FCRL3: variants seen among roughly 807,000 people sequenced by gnomAD.
The protein encoded by FCRL3 is Fc receptor-like protein 3.
In FCRL3, 89 loss-of-function variants were observed where a neutral mutation model predicts 75.0. That is an observed-to-expected ratio of 1.19 (90% confidence interval 1.00 to 1.42). The LOEUF is 1.42. FCRL3 is among the 40% of genes most tolerant of loss of function. The pLI, the probability that FCRL3 is intolerant of heterozygous loss-of-function variation, is 0.00. For synonymous variants in FCRL3, 376 were observed against 348.5 expected (o/e 1.08, Z -0.88); for missense variants, 946 against 880.0 (o/e 1.07, Z -0.95).
Position 157,700,570 on chromosome 1 carries a change from G to A in FCRL3, c.-81C>T. The stretch of plus-strand genomic sequence containing the variant: ...TCTCCAAGAAGGAGGGCAGGAAGCT[G>A]CTACTCAGATGAGACCTGCAAGAAT... On this transcript the variant is annotated 5_prime_UTR_variant, in exon 2 of 15. Transcript: ENST00000368184. 6 of 1,611,198 alleles carry A rather than the reference G, an allele frequency of 3.7e-6. No individual in the cohort carries two copies. The highest frequency in any genetic ancestry group is 5.1e-6 in the Non-Finnish European group (6 of 1,178,710).
At chr1:157,690,847 T>C (rs1655483516) in intron 8 of FCRL3, among the ~76,000 whole-genome samples, 1 of 152,176 alleles carries the variant, frequency 6.6e-6, no homozygotes, top group Admixed American at 6.5e-5. Flanking sequence ...GATAAAAATA[T>C]AGCTAAAATC....
At chr1:157,692,920 A>G (rs1031913291) in intron 8 of FCRL3, among the ~76,000 whole-genome samples, 1 of 152,158 alleles carries the variant, frequency 6.6e-6, no homozygotes, top group Non-Finnish European at 1.5e-5. Context: ...TTATATCTGC[A>G]CCTTTAAAAA....
At chr1:157,686,942 CTTAA>C (rs1655213508) in intron 10 of FCRL3, among the ~76,000 whole-genome samples, 1 of 151,928 alleles carries the variant, frequency 6.6e-6, no homozygotes, top group Admixed American at 6.6e-5. Flanking sequence ...ACAAGTGTGA[CTTAA>C]TTAAACTAAA....
intron 8 of FCRL3, among the ~76,000 whole-genome samples, chr1:157,693,114 A>G (rs1280827546): frequency 1.3e-5 from 2 of 151,956 alleles, no homozygotes; most frequent in Non-Finnish European, 2.9e-5. Flanking sequence ...CGTCTCTACT[A>G]AAAATACAAA....
At position 157,677,547 on chromosome 1, in the gene FCRL3, C is replaced by A; in HGVS notation, c.*1163G>T. ...TCACTGAAAATTGTTGGTACATTTT[C>A]ATTTTTGTCATATTAAAAATTCAAC... On this transcript the variant is annotated 3_prime_UTR_variant, in exon 15 of 15. Transcript: ENST00000368184. 1.0e-6 allele frequency: 1 copy of A among 985,334 alleles called. No individual in the cohort carries two copies. Among genetic ancestry groups the A allele is most frequent in the Non-Finnish European group, 1.2e-6 (1 of 829,886 alleles). 61.0% of individuals were successfully genotyped at this position (985,334 alleles called of 1,614,324 possible).
rs148716808 is a variant in FCRL3 at position 157,681,019 on chromosome 1, G to A, written c.1919C>T (p.Pro640Leu). 3.0e-5 allele frequency: 48 copies of A among 1,605,588 alleles called. No individual in the cohort carries two copies. The highest frequency in any genetic ancestry group is 4.1e-5 in the Non-Finnish European group (48 of 1,176,964). The change falls in exon 12 of 15, where the codon CCA (proline) becomes CTA (leucine). Residue 640 changes from proline to leucine, a missense_variant. Physicochemically the swap from Pro to Leu is moderately conservative, Grantham distance 98. Coordinates refer to ENST00000368184, the MANE Select transcript of FCRL3 (RefSeq NM_052939.4). Reference protein sequence around the residue: ...IDPQEPTHSKPLAPMELEPMY... With the variant: ...IDPQEPTHSKLLAPMELEPMY... ...TGGCTCCAGCTCCATTGGGGCTAGT[G>A]GTTTAGAGTGAGTGGGCTCTTGAGG...
chr1:157,679,928 A>C (rs1398076430), intron 13 of FCRL3, among the ~76,000 whole-genome samples: 1 of 151,954 alleles, frequency 6.6e-6, no homozygotes, highest in Non-Finnish European at 1.5e-5. Flanking sequence ...ACATAGAAAT[A>C]AATGCAACAA....
At chr1:157,698,244 A>G (rs1023706595) in intron 4 of FCRL3, 140 bp downstream of exon 4, 7 of 1,033,526 alleles carry the variant, frequency 6.8e-6, no homozygotes, top group African/African-American at 4.8e-5. Flanking sequence ...CTGCTGCCCT[A>G]TCTCTTTATT....
At chr1:157,688,049 A>G (rs1452300750) in intron 10 of FCRL3, among the ~76,000 whole-genome samples, 1 of 152,126 alleles carries the variant, frequency 6.6e-6, no homozygotes, top group African/African-American at 2.4e-5. Context: ...AATAGATGTG[A>G]CAAATAGAAA....
intron 8 of FCRL3, among the ~76,000 whole-genome samples, chr1:157,692,420 A>T (rs570331960): frequency 6.6e-6 from 1 of 152,080 alleles, no homozygotes; most frequent in East Asian, 1.9e-4. Context: ...TTGTATTTTT[A>T]GTAAAGACAG....
At chr1:157,683,332 T>C in intron 10 of FCRL3, 88 bp from the exon 11 acceptor site, 2 of 1,499,328 alleles carry the variant, frequency 1.3e-6, no homozygotes, top group African/African-American at 1.4e-5. Context: ...AGAAATCAGA[T>C]TCATTCTAGA....
In FCRL3 at chr1:157,677,940, C is replaced by T. The variant is rs187186908; in HGVS notation, c.*770G>A. The T allele has an allele frequency of 2.4e-4, 240 of 984,196 alleles. No individual in the cohort carries two copies. The African/African-American group carries it at 3.3e-3, about 13-fold the overall frequency. The allele number at this position is 984,196 out of a possible 1,614,324, so 61.0% of individuals were successfully genotyped here. A position where few individuals can be genotyped will look rare whatever the true frequency, so the allele number is the denominator to read the frequency against. On this transcript the variant is annotated 3_prime_UTR_variant, in exon 15 of 15. Transcript: ENST00000368184. Reference sequence around the variant, plus strand: ...ACATAGATATAGTAGGTTATTGTCTCGGGGTTAATGGGTGCTTATAAGAAT... The same window carrying T: ...ACATAGATATAGTAGGTTATTGTCTTGGGGTTAATGGGTGCTTATAAGAAT...
At chr1:157,699,502 G>GAA (rs74599050) in intron 3 of FCRL3, among the ~76,000 whole-genome samples, 190 bp downstream of exon 3, 8 of 131,704 alleles carry the variant, frequency 6.1e-5, no homozygotes, top group Admixed American at 7.6e-5. Flanking sequence ...AATGTAGGGA[G>GAA]AAAAAAAAAA....
At position 157,696,082 on chromosome 1, in the gene FCRL3, G is replaced by A. The variant is rs1655881472; in HGVS notation, c.1090C>T (p.His364Tyr). ...ATCCACGTGCTGAGGATGGGGCTGTGAACGTTATCAGCTGCACAGTAGTAT... is the reference window on the plus strand; with the variant it reads ...ATCCACGTGCTGAGGATGGGGCTGTAAACGTTATCAGCTGCACAGTAGTAT... ...GRYYCAADNV[H>Y]SPILSTWIRV... Residue 364 changes from histidine (H) to tyrosine (Y), a missense_variant, in exon 7 of 15, where the codon CAC becomes TAC. Physicochemically the swap from His to Tyr is moderately conservative, Grantham distance 83 (BLOSUM62 2). Coordinates refer to ENST00000368184, the MANE Select transcript of FCRL3 (RefSeq NM_052939.4). The A allele has an allele frequency of 1.9e-6, 3 of 1,613,298 alleles. No individual in the cohort carries two copies. The highest frequency in any genetic ancestry group is 2.5e-6 in the Non-Finnish European group (3 of 1,179,946).
At chr1:157,691,880 T>G (rs1655566601) in intron 8 of FCRL3, 2 of 152,210 alleles carry the variant, frequency 1.3e-5, no homozygotes, top group Admixed American at 1.3e-4. Context: ...TATTGTCAAC[T>G]TAAGTGGTCT....
chr1:157,678,126 T>A lies in FCRL3; in HGVS notation c.*584A>T. The A allele has an allele frequency of 1.0e-6, 1 of 986,030 alleles. No individual in the cohort carries two copies. The allele number at this position is 986,030 out of a possible 1,614,324, so 61.1% of individuals were successfully genotyped here. A position where few individuals can be genotyped will look rare whatever the true frequency, so the allele number is the denominator to read the frequency against. ...AGTCTTTAATGAAATGCTGAAGTTA[T>A]TTTTCATCATAACTAGGGTAATTTG... On this transcript the variant is annotated 3_prime_UTR_variant, in exon 15 of 15. Coordinates refer to ENST00000368184, the MANE Select transcript of FCRL3 (RefSeq NM_052939.4).
At position 157,678,939 on chromosome 1, in the gene FCRL3, C is replaced by G; in HGVS notation, c.2058+3G>C. 6.2e-7 allele frequency: 1 copy of G among 1,614,118 alleles called. No individual in the cohort carries two copies. The highest frequency in any genetic ancestry group is 8.5e-7 in the Non-Finnish European group (1 of 1,180,008). ...GGAAAGAAAGCCAAGAAATGTGACT[C>G]ACCTCATGCTCTTGATGCATCATTG... On this transcript the variant is annotated splice_donor_region_variant and intron_variant, in intron 14 of 14. Coordinates refer to ENST00000368184, the MANE Select transcript of FCRL3 (RefSeq NM_052939.4).
Position 157,686,882 on chromosome 1 carries a change from A to G in FCRL3, c.1810+2916T>C, listed in dbSNP as rs146387730. On this transcript the variant is annotated intron_variant, in intron 10 of 14. Coordinates refer to ENST00000368184, the MANE Select transcript of FCRL3 (RefSeq NM_052939.4). ...ACAATCCTTGACATCAGCTTTGGCC[A>G]AGAATTTTTGGCTAAGTTCCCAAAG... Among the ~76,000 whole-genome samples, 834 of 152,292 alleles carry G rather than the reference A, an allele frequency of 5.5e-3. 4 individuals carry two copies. The highest frequency in any genetic ancestry group is 0.019 in the African/African-American group (783 of 41,584).
Position 157,676,924 on chromosome 1 carries a change from C to G in FCRL3, c.*1786G>C. On this transcript the variant is annotated 3_prime_UTR_variant, in exon 15 of 15. Coordinates refer to ENST00000368184, the MANE Select transcript of FCRL3 (RefSeq NM_052939.4). ...CAGCCTGGTGGTTGGTACCCAAAAC[C>G]GGTTTACATATTTTCACCATAGAGA... is the stretch of plus-strand genomic sequence containing the variant. 7.0e-7 allele frequency: 1 copy of G among 1,424,870 alleles called. No homozygotes were observed. The highest frequency in any genetic ancestry group is 9.2e-7 in the Non-Finnish European group (1 of 1,091,604). The allele number at this position is 1,424,870 out of a possible 1,614,324, so 88.3% of individuals were successfully genotyped here.
Sources: gnomAD v4.1 joint callset for allele counts (sites outside exome capture counted in the v4.1 genomes callset) on GRCh38, gnomAD v4.1.1 for gene constraint, MANE v1.5 for transcripts, NCBI Gene and HGNC (gene_info 2026-07-23, HGNC 2026-07-21) for gene names.